The following BMAL1 variants were observed in gnomAD, a reference collection of about 807,000 sequenced individuals.
BMAL1 encodes basic helix-loop-helix ARNT like 1.
chr11:13,347,989 G>C, the BMAL1 span, among the ~76,000 whole-genome samples: 6 of 152,260 alleles, frequency 3.9e-5, no homozygotes, highest in African/African-American at 1.4e-4. Context: ...TATAAATAAG[G>C]CCCTACCTGC....
At chr11:13,279,717 A>G in the BMAL1 span, among the ~76,000 whole-genome samples, 1 of 152,260 alleles carries the variant, frequency 6.6e-6, no homozygotes, top group African/African-American at 2.4e-5. Context: ...AACGCAGCTT[A>G]TAGAACATAT....
chr11:13,304,230 G>A, the BMAL1 span, among the ~76,000 whole-genome samples: 6 of 152,180 alleles, frequency 3.9e-5, no homozygotes, highest in Admixed American at 1.3e-4. Context: ...GGGCGTTTGC[G>A]GGTGTTATCC....
the BMAL1 span, among the ~76,000 whole-genome samples, chr11:13,341,682 G>A: frequency 6.6e-6 from 1 of 152,248 alleles, no homozygotes; most frequent in Admixed American, 6.5e-5. Flanking sequence ...CAGGCAGTAA[G>A]TTTTTTGGTG....
At chr11:13,296,586 AT>A in the BMAL1 span, among the ~76,000 whole-genome samples, 6 of 152,154 alleles carry the variant, frequency 3.9e-5, no homozygotes, top group African/African-American at 1.4e-4. Flanking sequence ...ACATACACGC[AT>A]GTGTGTACCT....
chr11:13,315,258 T>A, the BMAL1 span, among the ~76,000 whole-genome samples: 2 of 152,162 alleles, frequency 1.3e-5, no homozygotes, highest in East Asian at 3.9e-4. Flanking sequence ...AATGCATTTT[T>A]CTCCTGGTTT....
the BMAL1 span, among the ~76,000 whole-genome samples, chr11:13,378,155 A>T: frequency 1.3e-5 from 2 of 152,210 alleles, no homozygotes; most frequent in African/African-American, 4.8e-5. Context: ...CCTAGAAGGA[A>T]ACTTGAGCCT....
At chr11:13,300,519 A>C in the BMAL1 span, among the ~76,000 whole-genome samples, 1 of 152,198 alleles carries the variant, frequency 6.6e-6, no homozygotes, top group East Asian at 1.9e-4. Flanking sequence ...TATAAAAGTA[A>C]CTCGTGACTT....
the BMAL1 span, chr11:13,366,834 C>A: frequency 1.4e-6 from 2 of 1,472,014 alleles, no homozygotes; most frequent in East Asian, 2.3e-5. Context: ...CACAGGCAGC[C>A]AACCCTGAGT....
chr11:13,383,784 G>A, the BMAL1 span, among the ~76,000 whole-genome samples: 1 of 152,172 alleles, frequency 6.6e-6, no homozygotes, highest in Non-Finnish European at 1.5e-5. Context: ...CCAGGAGGTT[G>A]AGGCTGCAGT....
chr11:13,339,796 C>G, the BMAL1 span, among the ~76,000 whole-genome samples: 1 of 152,092 alleles, frequency 6.6e-6, no homozygotes, highest in Non-Finnish European at 1.5e-5. Flanking sequence ...TGACTTTCCT[C>G]CCGAGCACTT....
the BMAL1 span, chr11:13,369,750 C>T: frequency 1.2e-6 from 2 of 1,609,074 alleles, no homozygotes; most frequent in Non-Finnish European, 1.7e-6. Flanking sequence ...TTCCCCTCTA[C>T]CTGCTCAAAG....
the BMAL1 span, among the ~76,000 whole-genome samples, chr11:13,385,278 G>A: frequency 6.6e-6 from 1 of 152,180 alleles, no homozygotes; most frequent in Non-Finnish European, 1.5e-5. Context: ...CTTGAGCTGT[G>A]TCTCTTCACA....
chr11:13,346,431 T>C, the BMAL1 span, among the ~76,000 whole-genome samples: 1 of 152,178 alleles, frequency 6.6e-6, no homozygotes, highest in African/African-American at 2.4e-5. Flanking sequence ...CATCTTCCTG[T>C]AGATGGTCGG....
the BMAL1 span, chr11:13,360,462 T>G: frequency 1.3e-6 from 2 of 1,581,090 alleles, no homozygotes; most frequent in Non-Finnish European, 1.7e-6. Flanking sequence ...AACGTTTGTT[T>G]TTATAAATTT....
At chr11:13,301,830 T>G in the BMAL1 span, among the ~76,000 whole-genome samples, 1 of 152,314 alleles carries the variant, frequency 6.6e-6, no homozygotes, top group South Asian at 2.1e-4. Flanking sequence ...TGAGGTACTG[T>G]TATTATCCCC....
At chr11:13,308,053 C>A in the BMAL1 span, among the ~76,000 whole-genome samples, 3 of 152,112 alleles carry the variant, frequency 2.0e-5, no homozygotes, top group South Asian at 6.2e-4. Context: ...ACTGTCGCAG[C>A]AATCTAGGAT....
the BMAL1 span, among the ~76,000 whole-genome samples, chr11:13,351,886 G>GA: frequency 6.6e-6 from 1 of 152,212 alleles, no homozygotes; most frequent in South Asian, 2.1e-4. Context: ...AGAATAAGAG[G>GA]AAAAAAACTG....
chr11:13,314,642 G>A, the BMAL1 span, among the ~76,000 whole-genome samples: 1 of 152,154 alleles, frequency 6.6e-6, no homozygotes, highest in Non-Finnish European at 1.5e-5. Flanking sequence ...GGAATTCTCA[G>A]GAATGAGGTC....
At chr11:13,321,212 G>A in the BMAL1 span, among the ~76,000 whole-genome samples, 6 of 152,160 alleles carry the variant, frequency 3.9e-5, no homozygotes, top group African/African-American at 1.4e-4. Context: ...GATTTTACAA[G>A]AACTTTGGTG....
Sources: gnomAD v4.1 joint callset for allele counts (sites outside exome capture counted in the v4.1 genomes callset) on GRCh38, gnomAD v4.1.1 for gene constraint, MANE v1.5 for transcripts, NCBI Gene and HGNC (gene_info 2026-07-23, HGNC 2026-07-21) for gene names.